The following KPTN variants were observed in gnomAD, a reference collection of about 807,000 sequenced individuals.
KPTN encodes the protein KICSTOR complex protein kaptin.
KPTN carries 36 observed loss-of-function variants against 52.6 expected under a neutral mutation model. The ratio of observed to expected loss-of-function variants is 0.68; its 90% CI spans 0.52 to 0.90. KPTN has a LOEUF of 0.90. Among genes scored for constraint, KPTN ranks in the 40% least tolerant of loss-of-function variants. The pLI, the probability that KPTN is intolerant of heterozygous loss-of-function variation, is 0.00. For missense variants in KPTN, 529 were observed against 576.2 expected (o/e 0.92, Z 0.84); for synonymous variants, 271 against 248.4 (o/e 1.09, Z -0.85).
At chr19:47,485,230 G>A (rs1303048190), upstream of KPTN, among the ~76,000 whole-genome samples, 1 of 152,046 alleles carries the variant, frequency 6.6e-6, no homozygotes, top group African/African-American at 2.4e-5. Flanking sequence ...CTATGTGCCC[G>A]GACGTCCTTT....
intron 9 of KPTN, 81 bp from the exon 10 acceptor site, chr19:47,477,019 G>C: frequency 1.4e-6 from 2 of 1,419,354 alleles, no homozygotes; most frequent in Non-Finnish European, 1.9e-6. Context: ...GCTGGGTACC[G>C]GTACTGCTTC....
In KPTN at chr19:47,483,722, G is replaced by A. The variant is rs1041768528; in HGVS notation, c.227-138C>T. On this transcript the variant is annotated intron_variant, in intron 1 of 11. Coordinates refer to ENST00000338134, the MANE Select transcript of KPTN (RefSeq NM_007059.4). ...CACCATCACCTGATCTCTGTTCCCTGGGTACTAGGGATCCTGACCTGTAAG... is the reference window on the plus strand; with the variant it reads ...CACCATCACCTGATCTCTGTTCCCTAGGTACTAGGGATCCTGACCTGTAAG... 8.0e-6 allele frequency: 7 copies of A among 879,964 alleles called. No individual in the cohort carries two copies. The Admixed American group carries it at 1.8e-4, about 23-fold the overall frequency. 54.5% of individuals were successfully genotyped at this position (879,964 alleles called of 1,614,324 possible).
In KPTN at chr19:47,483,570, C is replaced by A. The variant is rs1278910255; in HGVS notation, c.241G>T (p.Val81Phe). 2 of 1,560,792 alleles carry A rather than the reference C, an allele frequency of 1.3e-6. No homozygotes were observed. Among genetic ancestry groups the A allele is most frequent in the Admixed American group, 3.9e-5 (2 of 51,820 alleles). The change falls in exon 2 of 12, where the codon GTC (valine) becomes TTC (phenylalanine). Residue 81 changes from valine to phenylalanine, a missense_variant. Transcript: ENST00000338134. ...GACTTGTTGAAAGTGTCGATGGAGA[C>A]AATCTCCGCATCCACTGGGAGGGGA... ...FNYIPVDAEI[V>F]SIDTFNKSPP... is the part of the protein sequence containing the mutation.
At chr19:47,483,618 C>A (rs1474554514) in intron 1 of KPTN, 34 bp from the exon 2 acceptor site, 2 of 1,438,688 alleles carry the variant, frequency 1.4e-6, no homozygotes, top group South Asian at 1.3e-5. Context: ...CAGTGTCAGG[C>A]AGACTCATGC....
chr19:47,477,292 G>A (rs1445341159), intron 9 of KPTN, among the ~76,000 whole-genome samples: 1 of 152,170 alleles, frequency 6.6e-6, no homozygotes, highest in Admixed American at 6.5e-5. Context: ...CCCCTAGAGG[G>A]GTGCCAGAGC....
upstream of KPTN, chr19:47,484,298 C>G: frequency 8.6e-7 from 1 of 1,165,710 alleles, no homozygotes; most frequent in Non-Finnish European, 1.2e-6. Flanking sequence ...CGGCGTTGCC[C>G]TCTCCCAAGA....
chr19:47,484,799 G>A (rs896220507), upstream of KPTN, among the ~76,000 whole-genome samples: 1 of 151,050 alleles, frequency 6.6e-6, no homozygotes, highest in African/African-American at 2.4e-5. Context: ...CTGCCTCCTG[G>A]GTTCAAGCGA....
rs774845984 is a variant in KPTN at position 47,483,143 on chromosome 19, T to C, written c.449+18A>G. On this transcript the variant is annotated intron_variant, in intron 4 of 11. Coordinates refer to ENST00000338134, the MANE Select transcript of KPTN (RefSeq NM_007059.4). ...ACATTTACAGTGGAGTGGGCGTCGA[T>C]GCGCAGGGGACACTCACTCCGCATG... 3 of 1,612,466 alleles carry C rather than the reference T, an allele frequency of 1.9e-6. No individual in the cohort carries two copies. Among genetic ancestry groups the C allele is most frequent in the Middle Eastern group, 1.6e-4 (1 of 6,076 alleles).
Position 47,479,870 on chromosome 19 carries a change from G to GGCC in KPTN, c.777_779dup (p.Ala261dup). On this transcript the variant is annotated inframe_insertion, in exon 8 of 12. Transcript: ENST00000338134. Reference sequence around the variant, plus strand: ...CTCAAACCCAGAGCTCACCCTTGGCGGCCGAGAGGCTGAACACAATCACTC... The same window carrying GGCC: ...CTCAAACCCAGAGCTCACCCTTGGCGGCCGCCGAGAGGCTGAACACAATCACTC... 6.2e-7 allele frequency: 1 copy of GGCC among 1,612,874 alleles called. No homozygotes were observed. The highest frequency in any genetic ancestry group is 8.5e-7 in the Non-Finnish European group (1 of 1,179,382).
chr19:47,480,366 C>T lies in KPTN; in HGVS notation c.641G>A (p.Arg214Gln), dbSNP rs1258000946. ...CTGACAGCCCAGAGCTGAGAGGCGC[C>T]GGGACGTGCCGGGGAAGTTGTGGAC... is the stretch of plus-strand genomic sequence containing the variant. ...LDVHNFPGTSRRLSALGCQSG... is the reference protein window; with the variant it reads ...LDVHNFPGTSQRLSALGCQSG... The change falls in exon 7 of 12, where the codon CGG (arginine) becomes CAG (glutamine). Residue 214 changes from arginine (R) to glutamine (Q), a missense_variant. Coordinates refer to ENST00000338134, the MANE Select transcript of KPTN (RefSeq NM_007059.4). 1.9e-6 allele frequency: 3 copies of T among 1,549,472 alleles called. No individual in the cohort carries two copies. Among genetic ancestry groups the T allele is most frequent in the Non-Finnish European group, 2.6e-6 (3 of 1,146,412 alleles).
rs1294372391 is a variant in KPTN, at chr19:47,476,698, T to A, written c.1016A>T (p.Lys339Met). ...AAGCCCCGACTCTGGGCCCCGGTAC[T>A]TATAACACAGCAGTTCCTGCGGGGG... ...ATYGQELLCY[K>M]YRGPESGLPE... The change falls in exon 11 of 12, where the codon AAG becomes ATG. Residue 339 changes from lysine (K) to methionine (M), a missense_variant. Coordinates refer to ENST00000338134, the MANE Select transcript of KPTN (RefSeq NM_007059.4). 1 of 1,612,202 alleles carries A rather than the reference T, an allele frequency of 6.2e-7. No individual in the cohort carries two copies. Among genetic ancestry groups the A allele is most frequent in the South Asian group, 1.1e-5 (1 of 90,770 alleles).
intron 7 of KPTN, 145 bp from the exon 8 acceptor site, chr19:47,480,085 C>G: frequency 1.6e-6 from 1 of 629,130 alleles, no homozygotes; most frequent in South Asian, 1.8e-5. Context: ...GCCCCGCCCC[C>G]AATCCCCACC....
At chr19:47,484,383 T>C, upstream of KPTN, 1 of 588,310 alleles carries the variant, frequency 1.7e-6, no homozygotes, top group South Asian at 2.1e-5. Flanking sequence ...CTCCTTTCCA[T>C]TTCTGGACCA....
At chr19:47,480,268 C>T in intron 7 of KPTN, 30 bp downstream of exon 7, 1 of 1,440,946 alleles carries the variant, frequency 6.9e-7, no homozygotes, top group Non-Finnish European at 9.5e-7. Flanking sequence ...CTCAACCCCA[C>T]CCCTTACCCC....
intron 5 of KPTN, 53 bp downstream of exon 5, chr19:47,480,905 C>T (rs1205817824): frequency 1.2e-6 from 2 of 1,610,874 alleles, no homozygotes; most frequent in African/African-American, 2.7e-5. Flanking sequence ...CCACCCAGCG[C>T]CAGCCCACAG....
At chr19:47,482,141 C>T (rs557470221) in intron 4 of KPTN, among the ~76,000 whole-genome samples, 2 of 152,286 alleles carry the variant, frequency 1.3e-5, no homozygotes, top group East Asian at 3.9e-4. Context: ...TTATCTAGTT[C>T]AGGAATGGCA....
intron 2 of KPTN, 42 bp downstream of exon 2, chr19:47,483,460 G>C: frequency 1.3e-6 from 2 of 1,595,052 alleles, no homozygotes; most frequent in Non-Finnish European, 1.7e-6. Flanking sequence ...CACCATGTGT[G>C]TAAGGAGGAG....
chr19:47,478,813 T>C (rs770983110), intron 8 of KPTN, among the ~76,000 whole-genome samples: 1 of 152,158 alleles, frequency 6.6e-6, no homozygotes, highest in East Asian at 1.9e-4. Flanking sequence ...AAAAAATGTA[T>C]GTTCTCACAG....
chr19:47,483,812 G>T (rs1967976155), intron 1 of KPTN, 123 bp downstream of exon 1: 1 of 1,343,698 alleles, frequency 7.4e-7, no homozygotes, highest in Non-Finnish European at 1.0e-6. Flanking sequence ...TGATCCCAGT[G>T]ACCCCCTTAA....
Sources: allele counts gnomAD v4.1 joint callset (sites outside exome capture counted in the v4.1 genomes callset), GRCh38; gene constraint gnomAD v4.1.1; transcripts MANE v1.5; gene names NCBI Gene and HGNC (gene_info 2026-07-23, HGNC 2026-07-21).